The following LRRC7 variants were observed in gnomAD, a reference collection of about 807,000 sequenced individuals.
The protein encoded by LRRC7 is leucine-rich repeat-containing protein 7.
LRRC7 carries 23 observed loss-of-function variants against 175.7 expected under a neutral mutation model. The observed-to-expected ratio is 0.13, with a 90% CI of 0.09 to 0.19. LRRC7 has a LOEUF of 0.19. Ranked by LOEUF, LRRC7 falls within the 10% of genes least tolerant of loss-of-function variation. LRRC7 has a pLI of 1.00. For synonymous variants in LRRC7, 685 were observed against 680.9 expected (o/e 1.01, Z -0.09); for missense variants, 1,354 against 1,904.7 (o/e 0.71, Z 5.38).
At chr1:69,786,616 A>G (rs1674470316) in intron 3 of LRRC7, among the ~76,000 whole-genome samples, 1 of 152,146 alleles carries the variant, frequency 6.6e-6, no homozygotes, top group South Asian at 2.1e-4. Flanking sequence ...GGAAGGTAAA[A>G]GGCACATCTC....
At chr1:70,006,468 T>C (rs1656002793) in intron 11 of LRRC7, among the ~76,000 whole-genome samples, 1 of 145,170 alleles carries the variant, frequency 6.9e-6, no homozygotes, top group African/African-American at 2.6e-5. Context: ...CAAGACTCAG[T>C]CTCAAAAAAA....
At chr1:69,805,391 G>A (rs1676996854) in intron 4 of LRRC7, among the ~76,000 whole-genome samples, 1 of 151,526 alleles carries the variant, frequency 6.6e-6, no homozygotes, top group Admixed American at 6.6e-5. Context: ...TTCATAAAGG[G>A]GTCTACTCTG....
chr1:69,809,200 T>C (rs953371532), intron 4 of LRRC7, among the ~76,000 whole-genome samples: 1 of 152,080 alleles, frequency 6.6e-6, no homozygotes, highest in Non-Finnish European at 1.5e-5. Context: ...CCTGAACACA[T>C]ACACCCTCCC....
chr1:70,076,676 G>C (rs1662805710), intron 24 of LRRC7, among the ~76,000 whole-genome samples: 1 of 152,156 alleles, frequency 6.6e-6, no homozygotes, highest in Non-Finnish European at 1.5e-5. Flanking sequence ...CCTTCAGTGT[G>C]AAAGTAAACT....
intron 2 of LRRC7, among the ~76,000 whole-genome samples, chr1:69,704,175 A>C (rs969766864): frequency 3.3e-5 from 5 of 151,984 alleles, no homozygotes; most frequent in Non-Finnish European, 5.9e-5. Flanking sequence ...TTTAACTTAA[A>C]ACTAGTTTAT....
chr1:69,938,596 C>T (rs1183312340), intron 8 of LRRC7, among the ~76,000 whole-genome samples: 3 of 152,010 alleles, frequency 2.0e-5, no homozygotes, highest in Non-Finnish European at 4.4e-5. Flanking sequence ...AAATTTGAGA[C>T]AGTCGAGTAC....
intron 4 of LRRC7, among the ~76,000 whole-genome samples, chr1:69,818,383 T>C (rs1333689830): frequency 6.6e-6 from 1 of 152,134 alleles, no homozygotes; most frequent in East Asian, 1.9e-4. Flanking sequence ...ATGATTCTTA[T>C]CCTTCATTCT....
intron 26 of LRRC7, among the ~76,000 whole-genome samples, chr1:70,118,237 C>A (rs1212690378): frequency 1.3e-5 from 2 of 152,024 alleles, no homozygotes; most frequent in African/African-American, 4.8e-5. Context: ...AGCCTGATAA[C>A]CACATTCATT....
At chr1:69,869,708 C>T (rs891325730) in intron 7 of LRRC7, among the ~76,000 whole-genome samples, 1 of 152,022 alleles carries the variant, frequency 6.6e-6, no homozygotes, top group Non-Finnish European at 1.5e-5. Flanking sequence ...TGAGGTGAAG[C>T]AGGAAAGGCA....
At chr1:70,019,834 A>T (rs952205051) in intron 15 of LRRC7, among the ~76,000 whole-genome samples, 5 of 152,066 alleles carry the variant, frequency 3.3e-5, no homozygotes, top group African/African-American at 1.2e-4. Context: ...AGACATCTTA[A>T]GTAAGGATTA....
At chr1:69,922,307 C>T (rs1646915076) in intron 7 of LRRC7, among the ~76,000 whole-genome samples, 1 of 152,176 alleles carries the variant, frequency 6.6e-6, no homozygotes, top group Admixed American at 6.5e-5. Flanking sequence ...GACATTTTCT[C>T]CTGAAATGAC....
chr1:69,695,286 G>T (rs1041400759), intron 2 of LRRC7, among the ~76,000 whole-genome samples: 1 of 152,160 alleles, frequency 6.6e-6, no homozygotes, highest in Non-Finnish European at 1.5e-5. Context: ...TATGAGTGAT[G>T]ACTTAGAGTA....
chr1:69,678,583 T>C, intron 2 of LRRC7, 105 bp downstream of exon 2: 1 of 756,262 alleles, frequency 1.3e-6, no homozygotes, highest in Non-Finnish European at 2.2e-6. Flanking sequence ...CAATAGAATA[T>C]TTGTTGAGTC....
intron 1 of LRRC7, among the ~76,000 whole-genome samples, chr1:69,595,604 C>T (rs1773308): frequency 9.1e-6 from 1 of 109,826 alleles, no homozygotes; most frequent in African/African-American, 3.1e-5. Flanking sequence ...AACTTTACAA[C>T]CTTACTTTCC....
intron 2 of LRRC7, among the ~76,000 whole-genome samples, chr1:69,744,848 A>C (rs1669087316): frequency 6.6e-6 from 1 of 151,886 alleles, no homozygotes; most frequent in Non-Finnish European, 1.5e-5. Context: ...ATAAAAATAC[A>C]CTTCCCTAAA....
intron 1 of LRRC7, among the ~76,000 whole-genome samples, chr1:69,588,132 C>T (rs1410830471): frequency 2.6e-5 from 4 of 152,196 alleles, no homozygotes; most frequent in Admixed American, 2.6e-4. Context: ...CTTCTGCCTC[C>T]TTCCATCCCA....
chr1:69,978,837 G>T (rs894087292), intron 8 of LRRC7, among the ~76,000 whole-genome samples: 2 of 150,616 alleles, frequency 1.3e-5, no homozygotes, highest in Non-Finnish European at 2.9e-5. Context: ...TCTACAAAGT[G>T]CACTGCTTTT....
At chr1:69,797,380 C>G (rs1434658916) in intron 4 of LRRC7, among the ~76,000 whole-genome samples, 1 of 152,140 alleles carries the variant, frequency 6.6e-6, no homozygotes, top group Non-Finnish European at 1.5e-5. Context: ...TTGGGCATCA[C>G]TATATTTATT....
chr1:69,570,927 A>G (rs1645715916), intron 1 of LRRC7, among the ~76,000 whole-genome samples: 1 of 152,128 alleles, frequency 6.6e-6, no homozygotes, highest in Admixed American at 6.5e-5. Context: ...TGGAGATATA[A>G]CTTGTTTATG....
Sources: allele counts gnomAD v4.1 joint callset (sites outside exome capture counted in the v4.1 genomes callset), GRCh38; gene constraint gnomAD v4.1.1; transcripts MANE v1.5; gene names NCBI Gene and HGNC (gene_info 2026-07-23, HGNC 2026-07-21).